The following SORCS1 variants were observed in gnomAD, a reference collection of about 807,000 sequenced individuals.
SORCS1 encodes the protein VPS10 domain-containing receptor SorCS1.
In SORCS1, 60 loss-of-function variants were observed where a neutral mutation model predicts 146.1. The observed-to-expected ratio is 0.41, with a 90% CI of 0.33 to 0.51. SORCS1 has a LOEUF of 0.51. Ranked by LOEUF, SORCS1 falls within the 20% of genes least tolerant of loss-of-function variation. The probability of loss-of-function intolerance (pLI) is 0.21; values close to 1 mark genes in which losing one functional copy is unlikely to be tolerated. For missense variants in SORCS1, 1,352 were observed against 1,487.6 expected (o/e 0.91, Z 1.50); for synonymous variants, 637 against 584.0 (o/e 1.09, Z -1.31).
chr10:106,671,309 T>G lies in SORCS1; in HGVS notation c.2117A>C (p.Lys706Thr). 6.2e-7 allele frequency: 1 copy of G among 1,614,168 alleles called. No individual in the cohort carries two copies. The highest frequency in any genetic ancestry group is 8.5e-7 in the Non-Finnish European group (1 of 1,180,006). ...RIYKKRKSER[K>T]CMQGKYAGAM... Reference sequence around the variant, plus strand: ...TCCTGCATATTTTCCTTGCATACACTTCCGCTCTGATTTTCGCTTCTTATA... The same window carrying G: ...TCCTGCATATTTTCCTTGCATACACGTCCGCTCTGATTTTCGCTTCTTATA... The change falls in exon 16 of 26, where the codon AAG (lysine) becomes ACG (threonine). Residue 706 changes from lysine (K) to threonine (T), a missense_variant. Lys to Thr is a moderately conservative substitution (Grantham distance 78). Around this residue, in one of 3 missense-constraint regions of SORCS1, gnomAD observed 648 missense variants for 793.8 expected, o/e 0.82. Transcript: ENST00000263054.
intron 2 of SORCS1, among the ~76,000 whole-genome samples, 169 bp downstream of exon 2, chr10:106,956,344 G>A (rs1353990892): frequency 1.1e-4 from 17 of 152,194 alleles, no homozygotes; most frequent in Admixed American, 1.1e-3. Flanking sequence ...GCTCTGGCCT[G>A]CCTGGAGATA....
intron 13 of SORCS1, among the ~76,000 whole-genome samples, chr10:106,676,748 A>T (rs1185666646): frequency 6.6e-6 from 1 of 152,084 alleles, no homozygotes; most frequent in Non-Finnish European, 1.5e-5. Flanking sequence ...GGTTTCTTTG[A>T]ATAAACACAG....
chr10:106,830,357 A>C (rs1470669771), intron 2 of SORCS1, among the ~76,000 whole-genome samples: 1 of 152,162 alleles, frequency 6.6e-6, no homozygotes, highest in Non-Finnish European at 1.5e-5. Context: ...CTTCTCTATG[A>C]AGGTCTACTC....
intron 1 of SORCS1, among the ~76,000 whole-genome samples, chr10:107,077,817 T>C (rs1024737633): frequency 4.0e-5 from 6 of 151,860 alleles, no homozygotes; most frequent in African/African-American, 7.3e-5. Flanking sequence ...CATATGGCAA[T>C]GGAAAAGAAG....
At chr10:106,862,188 G>A (rs1950038688) in intron 2 of SORCS1, among the ~76,000 whole-genome samples, 1 of 152,122 alleles carries the variant, frequency 6.6e-6, no homozygotes, top group Non-Finnish European at 1.5e-5. Context: ...TATTACACAC[G>A]TGAAAAGTTA....
chr10:107,089,588 C>G (rs1021967586), intron 1 of SORCS1, among the ~76,000 whole-genome samples: 9 of 152,068 alleles, frequency 5.9e-5, no homozygotes, highest in Admixed American at 2.0e-4. Context: ...AGAGCCAAAC[C>G]TTGAACAGGG....
chr10:106,898,075 C>T (rs1951555112), intron 2 of SORCS1, among the ~76,000 whole-genome samples: 2 of 152,168 alleles, frequency 1.3e-5, no homozygotes, highest in African/African-American at 4.8e-5. Flanking sequence ...CATTGCCTGA[C>T]GATGTTTATT....
At chr10:106,693,979 A>C (rs1853498635) in intron 9 of SORCS1, among the ~76,000 whole-genome samples, 1 of 152,128 alleles carries the variant, frequency 6.6e-6, no homozygotes, top group South Asian at 2.1e-4. Context: ...CTAAGTGCCA[A>C]AATTTCAAAA....
intron 1 of SORCS1, among the ~76,000 whole-genome samples, chr10:106,994,760 T>C (rs562152344): frequency 3.9e-5 from 6 of 152,124 alleles, no homozygotes; most frequent in Non-Finnish European, 7.4e-5. Flanking sequence ...TCTGAAATGG[T>C]GCTGAATATT....
chr10:107,134,147 T>C (rs979744429), intron 1 of SORCS1, among the ~76,000 whole-genome samples: 3 of 152,190 alleles, frequency 2.0e-5, no homozygotes, highest in African/African-American at 7.2e-5. Flanking sequence ...ACTTTCACTC[T>C]AATAGGTTGG....
At position 106,762,676 on chromosome 10, in the gene SORCS1, C is replaced by T. The variant is rs1334215236; in HGVS notation, c.886-1015G>A. ...CCTCCCAAAGCGCTGGGATTACAGGCGTGAGCCACCGTGCCCAGCCTATTA... is the reference window on the plus strand; with the variant it reads ...CCTCCCAAAGCGCTGGGATTACAGGTGTGAGCCACCGTGCCCAGCCTATTA... On this transcript the variant is annotated intron_variant, in intron 4 of 25. Coordinates refer to ENST00000263054, the MANE Select transcript of SORCS1 (RefSeq NM_052918.5). Among the ~76,000 whole-genome samples the T allele has an allele frequency of 3.3e-5, 5 of 152,116 alleles. No individual in the cohort carries two copies. In the East Asian group the frequency reaches 5.8e-4, roughly 18 times the overall value.
intron 2 of SORCS1, among the ~76,000 whole-genome samples, chr10:106,929,964 T>C (rs1953310525): frequency 6.6e-6 from 1 of 152,192 alleles, no homozygotes. Flanking sequence ...AAATTAATGA[T>C]GGCCGGGCGC....
intron 2 of SORCS1, among the ~76,000 whole-genome samples, chr10:106,928,710 T>C (rs1040414775): frequency 2.0e-5 from 3 of 152,142 alleles, no homozygotes; most frequent in East Asian, 1.9e-4. Context: ...ACATCTCACA[T>C]AGACTATTAG....
At position 106,834,226 on chromosome 10, in the gene SORCS1, T is replaced by G. The variant is rs1350816763; in HGVS notation, c.627-4553A>C. Among the ~76,000 whole-genome samples, 3 of 152,352 alleles carry G rather than the reference T, an allele frequency of 2.0e-5. No homozygotes were observed. The East Asian group carries it at 5.8e-4, about 29-fold the overall frequency. ...CTCTAAAAGAGCAGAGGATGCTTTT[T>G]GCCCAACAAAGAGGTTAGGCAGCAG... On this transcript the variant is annotated intron_variant, in intron 2 of 25. Coordinates refer to ENST00000263054, the MANE Select transcript of SORCS1 (RefSeq NM_052918.5).
At chr10:106,843,429 C>CTTTTTTTTT (rs141378677) in intron 2 of SORCS1, among the ~76,000 whole-genome samples, 3 of 116,802 alleles carry the variant, frequency 2.6e-5, no homozygotes, top group African/African-American at 3.3e-5. Context: ...GCAGGATTTC[C>CTTTTTTTTT]TTTTTTTTTT....
At chr10:107,152,981 T>C (rs1430370456) in intron 1 of SORCS1, among the ~76,000 whole-genome samples, 1 of 152,166 alleles carries the variant, frequency 6.6e-6, no homozygotes, top group African/African-American at 2.4e-5. Context: ...TTTCTTCCTC[T>C]TCTCAATCTG....
At chr10:106,944,924 C>T (rs893092111) in intron 2 of SORCS1, among the ~76,000 whole-genome samples, 63 of 104,662 alleles carry the variant, frequency 6.0e-4, no homozygotes, top group African/African-American at 2.0e-3. Context: ...CTCGCTCTGT[C>T]ACTCAGGCTG....
At chr10:106,813,771 C>A (rs1589453686) in intron 3 of SORCS1, among the ~76,000 whole-genome samples, 1 of 151,706 alleles carries the variant, frequency 6.6e-6, no homozygotes, top group African/African-American at 2.4e-5. Flanking sequence ...CATGTACCTA[C>A]AAAAAAAATG....
intron 23 of SORCS1, among the ~76,000 whole-genome samples, chr10:106,598,214 C>T (rs890997695): frequency 4.7e-5 from 7 of 149,494 alleles, no homozygotes; most frequent in Non-Finnish European, 7.4e-5. Flanking sequence ...TGAAAAGTTA[C>T]GGGGATAACA....
Sources: allele counts gnomAD v4.1 joint callset (sites outside exome capture counted in the v4.1 genomes callset), GRCh38; gene constraint gnomAD v4.1.1; regional missense constraint gnomAD v4.1.1; transcripts MANE v1.5; gene names NCBI Gene and HGNC (gene_info 2026-07-23, HGNC 2026-07-21).